Variants in SMAD1 observed in about 807,000 individuals in gnomAD.
SMAD1 encodes SMAD family member 1, also known as MAD, mothers against decapentaplegic homolog 1.
A neutral mutation model predicts 41.6 loss-of-function variants in SMAD1; 6 were observed. That is an observed-to-expected ratio of 0.14 (90% CI 0.08 to 0.28). The LOEUF is 0.28. SMAD1 is among the 10% of genes least tolerant of loss of function. The pLI, the probability that SMAD1 is intolerant of heterozygous loss-of-function variation, is 1.00. For missense variants in SMAD1, 379 were observed against 582.6 expected, an observed-to-expected ratio of 0.65 and a Z score of 3.60; for synonymous variants, 206 against 203.2, an observed-to-expected ratio of 1.01 and a Z score of -0.12.
At chr4:145,486,332 A>G (rs1376170290) in intron 1 of SMAD1, among the ~76,000 whole-genome samples, 3 of 152,212 alleles carry the variant, frequency 2.0e-5, no homozygotes, top group Admixed American at 2.0e-4. Context: ...GCATTTTCTT[A>G]CATAATCACA....
chr4:145,527,580 A>AT, intron 2 of SMAD1, among the ~76,000 whole-genome samples: 1 of 152,170 alleles, frequency 6.6e-6, no homozygotes, highest in African/African-American at 2.4e-5. Flanking sequence ...GTGGCTACTG[A>AT]TATGTAGAAT....
intron 2 of SMAD1, among the ~76,000 whole-genome samples, chr4:145,519,781 A>G (rs935849568): frequency 2.0e-5 from 3 of 152,172 alleles, no homozygotes; most frequent in African/African-American, 7.2e-5. Context: ...CCCTTTGACC[A>G]GCATTTCCTC....
Position 145,547,038 on chromosome 4 carries a change from T to C in SMAD1, c.997+114T>C, listed in dbSNP as rs1012869861. 15 of 810,232 alleles carry C rather than the reference T, an allele frequency of 1.9e-5. No homozygotes were observed. The African/African-American group carries it at 2.2e-4, about 12-fold the overall frequency. 50.2% of individuals were successfully genotyped at this position (810,232 alleles called of 1,614,324 possible). A position where few individuals can be genotyped will look rare whatever the true frequency, so the allele number is the denominator to read the frequency against. On this transcript the variant is annotated intron_variant, in intron 5 of 6. Coordinates refer to ENST00000302085, the MANE Select transcript of SMAD1 (RefSeq NM_005900.3). ...TGTTGTAGCAAAGACCAGGTAATGT[T>C]CACTTGCTGCAGTTTGTAAATATTT...
At chr4:145,488,133 A>G (rs1176698263) in intron 1 of SMAD1, among the ~76,000 whole-genome samples, 1 of 150,672 alleles carries the variant, frequency 6.6e-6, no homozygotes, top group Admixed American at 6.6e-5. Flanking sequence ...TTTTTTTTTT[A>G]ATAAGAACCT....
chr4:145,528,434 G>T (rs924359764), intron 2 of SMAD1, among the ~76,000 whole-genome samples: 1 of 152,066 alleles, frequency 6.6e-6, no homozygotes, highest in African/African-American at 2.4e-5. Flanking sequence ...GAGACGGGGG[G>T]TTTCACTATG....
At chr4:145,533,162 G>A (rs1316054749) in intron 2 of SMAD1, among the ~76,000 whole-genome samples, 8 of 152,180 alleles carry the variant, frequency 5.3e-5, no homozygotes, top group African/African-American at 1.7e-4. Context: ...TAACTTCTAT[G>A]TGTCTCCTCT....
chr4:145,501,080 A>G (rs1188318751), intron 1 of SMAD1, among the ~76,000 whole-genome samples: 1 of 152,226 alleles, frequency 6.6e-6, no homozygotes, highest in African/African-American at 2.4e-5. Flanking sequence ...AAGTAGGTAG[A>G]GGTTTTATTT....
chr4:145,499,033 A>C (rs1044026192), intron 1 of SMAD1, among the ~76,000 whole-genome samples: 1 of 152,100 alleles, frequency 6.6e-6, no homozygotes, highest in Non-Finnish European at 1.5e-5. Context: ...ACCATCCTCT[A>C]TAAAAAACAC....
chr4:145,509,869 C>T (rs889050819), intron 1 of SMAD1, among the ~76,000 whole-genome samples: 1 of 152,160 alleles, frequency 6.6e-6, no homozygotes, highest in African/African-American at 2.4e-5. Flanking sequence ...CACCCTGTGG[C>T]CTCCCAAATA....
intron 3 of SMAD1, 117 bp downstream of exon 3, chr4:145,540,178 T>C: frequency 8.7e-7 from 1 of 1,152,464 alleles, no homozygotes; most frequent in Admixed American, 2.1e-5. Flanking sequence ...GTATATGACA[T>C]AGTGCTCTCG....
At chr4:145,546,992 A>G in intron 5 of SMAD1, 68 bp downstream of exon 5, 1 of 1,217,240 alleles carries the variant, frequency 8.2e-7, no homozygotes, top group Admixed American at 1.7e-5. Context: ...GAGCTGACTT[A>G]AAATCATTCC....
intron 5 of SMAD1, among the ~76,000 whole-genome samples, chr4:145,553,185 A>G (rs998588842): frequency 6.6e-6 from 1 of 151,272 alleles, no homozygotes; most frequent in Non-Finnish European, 1.5e-5. Flanking sequence ...TGCTGAGATT[A>G]CAGGCGTGAA....
At chr4:145,553,091 T>G (rs1345940159) in intron 5 of SMAD1, among the ~76,000 whole-genome samples, 2 of 151,134 alleles carry the variant, frequency 1.3e-5, no homozygotes, top group African/African-American at 4.9e-5. Flanking sequence ...TTTTTTTTTT[T>G]TTTGTGGAGA....
chr4:145,487,101 G>C (rs1728515205), intron 1 of SMAD1, among the ~76,000 whole-genome samples: 1 of 152,158 alleles, frequency 6.6e-6, no homozygotes, highest in African/African-American at 2.4e-5. Flanking sequence ...TCATTCTGGA[G>C]ATGGAAAAGA....
intron 1 of SMAD1, among the ~76,000 whole-genome samples, chr4:145,513,074 C>T (rs145579876): frequency 8.5e-5 from 13 of 152,344 alleles, no homozygotes; most frequent in African/African-American, 2.4e-4. Flanking sequence ...TGGGGTTCCT[C>T]AGCGCTATGA....
intron 1 of SMAD1, among the ~76,000 whole-genome samples, chr4:145,487,220 C>T (rs1728521743): frequency 6.6e-6 from 1 of 152,090 alleles, no homozygotes; most frequent in African/African-American, 2.4e-5. Flanking sequence ...GCAAAATATA[C>T]GAATCTCCTC....
At chr4:145,501,999 C>T (rs1258572165) in intron 1 of SMAD1, among the ~76,000 whole-genome samples, 2 of 152,186 alleles carry the variant, frequency 1.3e-5, no homozygotes, top group Non-Finnish European at 2.9e-5. Flanking sequence ...CATAACTAGC[C>T]ACTTACGGAA....
rs777481453 is a variant in SMAD1 at position 145,486,893 on chromosome 4, T to G, written c.-177+4855T>G. ...CATTAAGTGCCCTTTTGTTTTCAGG[T>G]TTTTTTTCTCCCTACCACGCTCACG... On this transcript the variant is annotated intron_variant, in intron 1 of 6. Coordinates refer to ENST00000302085, the MANE Select transcript of SMAD1 (RefSeq NM_005900.3). 2.8e-4 allele frequency among the ~76,000 whole-genome samples: 43 copies of G among 152,108 alleles called. No individual in the cohort carries two copies. In the East Asian group the frequency reaches 4.2e-3, roughly 15 times the overall value.
chr4:145,511,137 C>A (rs1021738598), intron 1 of SMAD1, among the ~76,000 whole-genome samples: 1 of 152,062 alleles, frequency 6.6e-6, no homozygotes, highest in Non-Finnish European at 1.5e-5. Flanking sequence ...ATAATGTTCC[C>A]CACAACTCTC....
Sources: gnomAD v4.1 joint callset for allele counts (sites outside exome capture counted in the v4.1 genomes callset) on GRCh38, gnomAD v4.1.1 for gene constraint, MANE v1.5 for transcripts, NCBI Gene and HGNC (gene_info 2026-07-23, HGNC 2026-07-21) for gene names.